The following TACR3 variants were observed in gnomAD, a reference collection of about 807,000 sequenced individuals.
TACR3 encodes the protein neuromedin-K receptor.
TACR3 carries 34 observed loss-of-function variants against 35.0 expected under a neutral mutation model. That is an observed-to-expected ratio of 0.97 (90% CI 0.74 to 1.30). The LOEUF (loss-of-function observed/expected upper bound fraction) is 1.30, where lower values mean the gene tolerates loss of function less well. Ranked by LOEUF, TACR3 falls within the 50% of genes most tolerant of loss-of-function variation. The pLI is 0.00. For missense variants in TACR3, 558 were observed against 591.7 expected (o/e 0.94, Z 0.59); for synonymous variants, 233 against 221.1 (o/e 1.05, Z -0.48).
intron 3 of TACR3, among the ~76,000 whole-genome samples, chr4:103,592,190 A>G (rs1459493188): frequency 6.6e-6 from 1 of 152,190 alleles, no homozygotes; most frequent in African/African-American, 2.4e-5. Context: ...CTCACTACGT[A>G]ACCTTATGAA....
At chr4:103,631,427 C>A (rs909654401) in intron 3 of TACR3, among the ~76,000 whole-genome samples, 40 of 151,566 alleles carry the variant, frequency 2.6e-4, no homozygotes, top group African/African-American at 9.0e-4. Context: ...AAAAAGCTTC[C>A]TATGTATTAT....
chr4:103,715,372 T>C (rs1319639195), intron 1 of TACR3, among the ~76,000 whole-genome samples: 1 of 152,160 alleles, frequency 6.6e-6, no homozygotes, highest in Non-Finnish European at 1.5e-5. Flanking sequence ...CTCTCACTCT[T>C]GGTCCTGTTC....
intron 3 of TACR3, among the ~76,000 whole-genome samples, chr4:103,603,846 C>T (rs1724273171): frequency 6.6e-6 from 1 of 151,806 alleles, no homozygotes. Context: ...TGTTTCCTGA[C>T]TTTTTAATGA....
chr4:103,704,161 C>A (rs188789681), intron 1 of TACR3, among the ~76,000 whole-genome samples: 14 of 119,746 alleles, frequency 1.2e-4, no homozygotes, highest in African/African-American at 3.2e-4. Context: ...ATTGGTAATA[C>A]ATTTAGCAAC....
At chr4:103,606,951 T>C (rs1724386558) in intron 3 of TACR3, among the ~76,000 whole-genome samples, 1 of 152,168 alleles carries the variant, frequency 6.6e-6, no homozygotes, top group Non-Finnish European at 1.5e-5. Flanking sequence ...TGATATTGGC[T>C]GTGGGTTTGT....
intron 3 of TACR3, among the ~76,000 whole-genome samples, chr4:103,640,216 TTA>T (rs773515333): frequency 4.6e-5 from 7 of 152,098 alleles, no homozygotes; most frequent in Non-Finnish European, 1.0e-4. Context: ...ACTCTGTAGT[TTA>T]TGTTTGTCCC....
At chr4:103,708,922 T>C (rs1722867099) in intron 1 of TACR3, among the ~76,000 whole-genome samples, 1 of 152,026 alleles carries the variant, frequency 6.6e-6, no homozygotes, top group East Asian at 1.9e-4. Context: ...GAAGATCAAA[T>C]TAATGAAATG....
chr4:103,686,298 G>C (rs7677262), intron 1 of TACR3, among the ~76,000 whole-genome samples: 1 of 152,038 alleles, frequency 6.6e-6, no homozygotes, highest in East Asian at 1.9e-4. Context: ...AGATCCAATG[G>C]CAAATAGTAG....
intron 3 of TACR3, among the ~76,000 whole-genome samples, chr4:103,603,178 C>T (rs976214785): frequency 1.1e-4 from 17 of 152,344 alleles, no homozygotes; most frequent in Admixed American, 9.1e-4. Flanking sequence ...ACTCCATGGG[C>T]GTAGGACCCT....
chr4:103,590,319 A>T (rs1038911320), intron 4 of TACR3, among the ~76,000 whole-genome samples: 1 of 152,220 alleles, frequency 6.6e-6, no homozygotes, highest in Non-Finnish European at 1.5e-5. Flanking sequence ...TTCTAAAATA[A>T]TTGTATACAT....
At chr4:103,678,057 C>T (rs1448614343) in intron 1 of TACR3, among the ~76,000 whole-genome samples, 2 of 152,060 alleles carry the variant, frequency 1.3e-5, no homozygotes, top group Non-Finnish European at 2.9e-5. Context: ...TCTTCTAAAT[C>T]TCTCCGTTTA....
chr4:103,611,330 T>G (rs1436458927), intron 3 of TACR3, among the ~76,000 whole-genome samples: 1 of 152,192 alleles, frequency 6.6e-6, no homozygotes, highest in East Asian at 1.9e-4. Context: ...ATTGTAGAGA[T>G]CTTCCATCTC....
At chr4:103,630,736 G>C (rs545286129) in intron 3 of TACR3, among the ~76,000 whole-genome samples, 10 of 152,248 alleles carry the variant, frequency 6.6e-5, no homozygotes, top group African/African-American at 1.2e-4. Context: ...GTTGGTGGGA[G>C]TGTAAATTAG....
At chr4:103,602,491 CTTTTTT>C (rs199678167) in intron 3 of TACR3, among the ~76,000 whole-genome samples, 1 of 150,294 alleles carries the variant, frequency 6.7e-6, no homozygotes, top group Non-Finnish European at 1.5e-5. Flanking sequence ...TTTTTCTGCT[CTTTTTT>C]TTTTTTCCCA....
chr4:103,641,012 T>A (rs867575751), intron 3 of TACR3, among the ~76,000 whole-genome samples: 1 of 152,034 alleles, frequency 6.6e-6, no homozygotes, highest in Admixed American at 6.6e-5. Context: ...CCTTATTTTT[T>A]CTTCTAGTAG....
chr4:103,604,754 G>C (rs531466446), intron 3 of TACR3, among the ~76,000 whole-genome samples: 1 of 147,552 alleles, frequency 6.8e-6, no homozygotes, highest in Non-Finnish European at 1.5e-5. Context: ...CTCAAAACAA[G>C]ACAGTTATGT....
intron 3 of TACR3, among the ~76,000 whole-genome samples, chr4:103,627,765 A>G (rs1046120685): frequency 1.1e-4 from 17 of 152,304 alleles, no homozygotes; most frequent in Admixed American, 3.9e-4. Context: ...GATATCCAGG[A>G]CTTGAACTCA....
chr4:103,599,082 A>G (rs1296360744), intron 3 of TACR3, among the ~76,000 whole-genome samples: 7 of 152,220 alleles, frequency 4.6e-5, no homozygotes, highest in Non-Finnish European at 1.0e-4. Flanking sequence ...CTTCCTACCC[A>G]TGAACATGGA....
At chr4:103,643,820 C>T (rs996683961) in intron 3 of TACR3, among the ~76,000 whole-genome samples, 5 of 151,700 alleles carry the variant, frequency 3.3e-5, no homozygotes, top group Non-Finnish European at 5.9e-5. Flanking sequence ...CTTCATTTTC[C>T]TGCTAGAAAT....
Sources: allele counts gnomAD v4.1 joint callset (sites outside exome capture counted in the v4.1 genomes callset), GRCh38; gene constraint gnomAD v4.1.1; transcripts MANE v1.5; gene names NCBI Gene and HGNC (gene_info 2026-07-23, HGNC 2026-07-21).